The following SNX17 variants were observed in gnomAD, a reference collection of about 807,000 sequenced individuals.
SNX17 encodes sorting nexin-17.
A neutral mutation model predicts 64.3 loss-of-function variants in SNX17; 35 were observed. The observed-to-expected ratio is 0.54, with a 90% CI of 0.42 to 0.72. The LOEUF is 0.72. SNX17 is among the 30% of genes least tolerant of loss of function. The pLI is 0.00. For synonymous variants in SNX17, 259 were observed against 230.2 expected (o/e 1.13, Z -1.13); for missense variants, 538 against 610.0 (o/e 0.88, Z 1.24).
rs1239256006 is a variant in SNX17 at position 27,375,664 on chromosome 2, C to G, written c.933C>G (p.Gly311=). 1 of 1,614,096 alleles carries G rather than the reference C, an allele frequency of 6.2e-7. No individual in the cohort carries two copies. Among genetic ancestry groups the G allele is most frequent in the Non-Finnish European group, 8.5e-7 (1 of 1,180,042 alleles). The change falls in exon 10 of 15, where the codon GGC becomes GGG. Residue 311 remains glycine, a synonymous_variant. Transcript: ENST00000233575. The surrounding 1 kb of genome is among the most constrained non-coding windows in gnomAD (Gnocchi z 4.1). Reference sequence around the variant, plus strand: ...TGCCTGGCCAGCAACTCCGAGAAGGCTCCTTCCGGGTCACCCGCATGCGAT... The same window carrying G: ...TGCCTGGCCAGCAACTCCGAGAAGGGTCCTTCCGGGTCACCCGCATGCGAT... ...LRLPGQQLRE[G]SFRVTRMRCW...
Position 27,376,503 on chromosome 2 carries a change from T to A in SNX17, c.1282T>A (p.Ser428Thr), listed in dbSNP as rs1348710465. 6.2e-7 allele frequency: 1 copy of A among 1,613,746 alleles called. No individual in the cohort carries two copies. Among genetic ancestry groups the A allele is most frequent in the East Asian group, 2.2e-5 (1 of 44,870 alleles). ...GGAGTCACCTGATGCCACCCGGGAG[T>A]CTATGGTCAAACTCTCAGTGAGTTC... ...LLESPDATRESMVKLSSKLSA... is the reference protein window; with the variant it reads ...LLESPDATRETMVKLSSKLSA... Residue 428 changes from serine to threonine, a missense_variant, in exon 14 of 15, where the codon TCT (serine) becomes ACT (threonine). Around this residue, in one of 3 missense-constraint regions of SNX17, gnomAD observed 505 missense variants for 550.4 expected, o/e 0.92. Coordinates refer to ENST00000233575, the MANE Select transcript of SNX17 (RefSeq NM_014748.4).
At chr2:27,372,506 G>A (rs1028503705) in intron 2 of SNX17, 117 bp from the exon 3 acceptor site, 26 of 1,435,220 alleles carry the variant, frequency 1.8e-5, no homozygotes, top group Non-Finnish European at 2.5e-5. Context: ...AGGGTAGACA[G>A]GGGAACAGGG....
In SNX17 at chr2:27,375,066, A is replaced by T; in HGVS notation, c.687A>T (p.Val229=). Residue 229 remains valine, a synonymous_variant, in exon 9 of 15, where the codon GTA becomes GTT. Coordinates refer to ENST00000233575, the MANE Select transcript of SNX17 (RefSeq NM_014748.4). This position sits in a 1 kb window ranked among gnomAD's most constrained non-coding sequence, Gnocchi z 4.1. ...VGLNLLYAQT[V]SDIERGWILV... ...GCCCCTTGTCTCTACTATAGACGGT[A>T]TCAGATATTGAGCGTGGGTGGATCT... The T allele has an allele frequency of 1.2e-6, 2 of 1,614,052 alleles. No homozygotes were observed. The highest frequency in any genetic ancestry group is 1.7e-6 in the Non-Finnish European group (2 of 1,179,932).
rs745524848 is a variant in SNX17 at position 27,374,401 on chromosome 2, G to C, written c.579G>C (p.Arg193=). The change falls in exon 7 of 15, where the codon CGG becomes CGC. Residue 193 remains arginine (R), a synonymous_variant. Coordinates refer to ENST00000233575, the MANE Select transcript of SNX17 (RefSeq NM_014748.4). ...CTTATGTGTCTGTCACCAGCCTTCG[G>C]AGTCAAGAGTATAAGATTGTGCTAA... ...ELPYVSVTSL[R]SQEYKIVLRK... The C allele has an allele frequency of 6.2e-7, 1 of 1,613,926 alleles. No individual in the cohort carries two copies. The highest frequency in any genetic ancestry group is 2.2e-5 in the East Asian group (1 of 44,878).
rs943108687 is a variant in SNX17 at position 27,374,598 on chromosome 2, C to T, written c.612-91C>T. The T allele has an allele frequency of 1.2e-5, 17 of 1,360,540 alleles. No individual in the cohort carries two copies. In the African/African-American group the frequency reaches 2.4e-4, roughly 19 times the overall value. The allele number at this position is 1,360,540 out of a possible 1,614,324, so 84.3% of individuals were successfully genotyped here. A position where few individuals can be genotyped will look rare whatever the true frequency, so the allele number is the denominator to read the frequency against. ...CTATACCATTAGCCCCTGATAGTTC[C>T]AGATTGCTCCTGTTTTGCCCATTTT... On this transcript the variant is annotated intron_variant, in intron 7 of 14. Coordinates refer to ENST00000233575, the MANE Select transcript of SNX17 (RefSeq NM_014748.4).
In SNX17 at chr2:27,375,281, G is replaced by A; in HGVS notation, c.774+128G>A. 1.1e-6 allele frequency: 1 copy of A among 935,516 alleles called. No homozygotes were observed. The highest frequency in any genetic ancestry group is 1.6e-6 in the Non-Finnish European group (1 of 622,068). 58.0% of individuals were successfully genotyped at this position (935,516 alleles called of 1,614,324 possible). A position where few individuals can be genotyped will look rare whatever the true frequency, so the allele number is the denominator to read the frequency against. On this transcript the variant is annotated intron_variant, in intron 9 of 14. Transcript: ENST00000233575. This position sits in a 1 kb window ranked among gnomAD's most constrained non-coding sequence, Gnocchi z 4.1. ...AGCCTCCCGAGTAGCTGGGACTACA[G>A]GCACCCGCCACGACGCCCGGCTAAT...
intron 8 of SNX17, 73 bp from the exon 9 acceptor site, chr2:27,374,988 G>C: frequency 7.2e-7 from 1 of 1,379,530 alleles, no homozygotes; most frequent in Non-Finnish European, 1.0e-6. Flanking sequence ...AGGCTGGACA[G>C]AGGTAATGGT....
At chr2:27,371,088 C>T (rs1458157407) in intron 1 of SNX17, among the ~76,000 whole-genome samples, 181 bp from the exon 2 acceptor site, 1 of 152,262 alleles carries the variant, frequency 6.6e-6, no homozygotes, top group African/African-American at 2.4e-5. Flanking sequence ...ACACAAGCGT[C>T]CGAATTTCCC....
Position 27,376,444 on chromosome 2 carries a change from G to T in SNX17, c.1258-35G>T, listed in dbSNP as rs760469075. The T allele has an allele frequency of 1.1e-5, 18 of 1,613,754 alleles. No homozygotes were observed. In the African/African-American group the frequency reaches 1.5e-4, roughly 13 times the overall value. ...TCTCAGCCCTGCCTCACCTCTCCTA[G>T]TGAGTTTCTGACACCTCTGCCTCTT... On this transcript the variant is annotated intron_variant, in intron 13 of 14. Transcript: ENST00000233575.
rs1417333183 is a variant in SNX17 at position 27,377,489 on chromosome 2, G to A, written c.*770G>A. 1 of 1,585,678 alleles carries A rather than the reference G, an allele frequency of 6.3e-7. No individual in the cohort carries two copies. Among genetic ancestry groups the A allele is most frequent in the Non-Finnish European group, 8.6e-7 (1 of 1,156,410 alleles). ...TGTGTGGAGCCCCTGGCCAGCGGGG[G>A]AGAAAAAGGTGGCTTCTGGTCCGTC... On this transcript the variant is annotated 3_prime_UTR_variant, in exon 15 of 15. Transcript: ENST00000233575. The surrounding 1 kb of genome is among the most constrained non-coding windows in gnomAD (Gnocchi z 4.4).
Position 27,373,235 on chromosome 2 carries a change from T to C in SNX17, c.257-12T>C, listed in dbSNP as rs1191756689. The C allele has an allele frequency of 6.2e-7, 1 of 1,613,952 alleles. No individual in the cohort carries two copies. Among genetic ancestry groups the C allele is most frequent in the East Asian group, 2.2e-5 (1 of 44,890 alleles). ...GCTAAGTTCCTGTAATAATGTTCTC[T>C]TGTCCTCGTAGTTCGGCAAGACCCA... On this transcript the variant is annotated splice_polypyrimidine_tract_variant and intron_variant, in intron 3 of 14. Coordinates refer to ENST00000233575, the MANE Select transcript of SNX17 (RefSeq NM_014748.4).
intron 2 of SNX17, among the ~76,000 whole-genome samples, chr2:27,372,037 T>C (rs986529090): frequency 6.6e-6 from 1 of 152,236 alleles, no homozygotes; most frequent in South Asian, 2.1e-4. Flanking sequence ...GGCGGCTGCC[T>C]CCACACCCAG....
intron 8 of SNX17, 47 bp downstream of exon 8, chr2:27,374,805 G>GGAGA: frequency 1.3e-6 from 2 of 1,555,918 alleles, no homozygotes. Flanking sequence ...GAAAATAACG[G>GGAGA]GTGACTCACT....
Position 27,374,862 on chromosome 2 carries a change from A to G in SNX17, c.681+104A>G, listed in dbSNP as rs1683005387. The G allele has an allele frequency of 5.2e-6, 6 of 1,150,530 alleles. No individual in the cohort carries two copies. In the South Asian group the frequency reaches 6.3e-5, roughly 12 times the overall value. The allele number at this position is 1,150,530 out of a possible 1,614,324, so 71.3% of individuals were successfully genotyped here. Reference sequence around the variant, plus strand: ...TGTCTTTGTTCCCAATTTGTGGGGAAGTTCCTAGAATACTATCAGTGCTGC... The same window carrying G: ...TGTCTTTGTTCCCAATTTGTGGGGAGGTTCCTAGAATACTATCAGTGCTGC... On this transcript the variant is annotated intron_variant, in intron 8 of 14. Coordinates refer to ENST00000233575, the MANE Select transcript of SNX17 (RefSeq NM_014748.4).
At position 27,375,474 on chromosome 2, in the gene SNX17, T is replaced by C; in HGVS notation, c.775-32T>C. 6.2e-7 allele frequency: 1 copy of C among 1,612,844 alleles called. No homozygotes were observed. The highest frequency in any genetic ancestry group is 8.5e-7 in the Non-Finnish European group (1 of 1,179,364). On this transcript the variant is annotated intron_variant, in intron 9 of 14. Coordinates refer to ENST00000233575, the MANE Select transcript of SNX17 (RefSeq NM_014748.4). The surrounding 1 kb of genome is among the most constrained non-coding windows in gnomAD (Gnocchi z 4.1). ...TTCTGAGCTGCCCCATTCTCCCTCC[T>C]AATCTACCCCCATGTGATGACCATT...
At position 27,370,699 on chromosome 2, in the gene SNX17, C is replaced by T. The variant is rs557274905; in HGVS notation, c.-45C>T. 132 of 1,516,328 alleles carry T rather than the reference C, an allele frequency of 8.7e-5. No individual in the cohort carries two copies. The South Asian group carries it at 1.4e-3, about 16-fold the overall frequency. 93.9% of individuals were successfully genotyped at this position (1,516,328 alleles called of 1,614,324 possible). On this transcript the variant is annotated 5_prime_UTR_variant, in exon 1 of 15. Coordinates refer to ENST00000233575, the MANE Select transcript of SNX17 (RefSeq NM_014748.4). ...GGAGGGGGAGCGTGCAGAGCCGCTG[C>T]GGCCCTCACAGTCCGGAGCCCGGCC...
Position 27,373,271 on chromosome 2 carries a change from G to T in SNX17, c.281G>T (p.Ser94Ile). 1 of 1,614,236 alleles carries T rather than the reference G, an allele frequency of 6.2e-7. No homozygotes were observed. Among genetic ancestry groups the T allele is most frequent in the Non-Finnish European group, 8.5e-7 (1 of 1,180,032 alleles). The change falls in exon 4 of 15, where the codon AGC becomes ATC. Residue 94 changes from serine to isoleucine, a missense_variant. Ser to Ile is a moderately radical substitution (Grantham distance 142, BLOSUM62 -2). This residue lies in a region of SNX17 where 505 missense variants were observed against 550.4 expected (regional missense o/e 0.92). Coordinates refer to ENST00000233575, the MANE Select transcript of SNX17 (RefSeq NM_014748.4). ...QAVRQDPLLG[S>I]SETFNSFLRR... Reference sequence around the variant, plus strand: ...GTTCGGCAAGACCCATTGCTTGGGAGCAGCGAGACTTTCAACAGTTTCCTG... The same window carrying T: ...GTTCGGCAAGACCCATTGCTTGGGATCAGCGAGACTTTCAACAGTTTCCTG...
rs949818559 is a variant in SNX17 at position 27,377,293 on chromosome 2, G to A, written c.*574G>A. The A allele has an allele frequency of 1.7e-5, 11 of 639,168 alleles. No homozygotes were observed. The highest frequency in any genetic ancestry group is 2.0e-5 in the Non-Finnish European group (7 of 355,648). 39.6% of individuals were successfully genotyped at this position (639,168 alleles called of 1,614,324 possible). A position where few individuals can be genotyped will look rare whatever the true frequency, so the allele number is the denominator to read the frequency against. The stretch of plus-strand genomic sequence containing the variant: ...AATAAGTTAAATAAACAGGTGGGAG[G>A]CTGGGCAGTCCCCCAGCCGGTTTGT... On this transcript the variant is annotated 3_prime_UTR_variant, in exon 15 of 15. Coordinates refer to ENST00000233575, the MANE Select transcript of SNX17 (RefSeq NM_014748.4). The surrounding 1 kb of genome is among the most constrained non-coding windows in gnomAD (Gnocchi z 4.4).
Position 27,376,332 on chromosome 2 carries a change from G to A in SNX17, c.1202G>A (p.Gly401Glu). 1 of 1,612,272 alleles carries A rather than the reference G, an allele frequency of 6.2e-7. No individual in the cohort carries two copies. The highest frequency in any genetic ancestry group is 8.5e-7 in the Non-Finnish European group (1 of 1,178,710). Residue 401 changes from glycine to glutamate, a missense_variant, in exon 13 of 15, where the codon GGG (glycine) becomes GAG (glutamate). Gly to Glu is a moderately conservative substitution (Grantham distance 98). Around this residue, in one of 3 missense-constraint regions of SNX17, gnomAD observed 505 missense variants for 550.4 expected, o/e 0.92. Coordinates refer to ENST00000233575, the MANE Select transcript of SNX17 (RefSeq NM_014748.4). ...CCCCAGATGCTGCGCCGGCGGGTGG[G>A]GGGTACTCTGAGACGCTCAGACAGC... is the stretch of plus-strand genomic sequence containing the variant. ...SIRKMLRRRV[G>E]GTLRRSDSQQ...
Sources: allele counts gnomAD v4.1 joint callset (sites outside exome capture counted in the v4.1 genomes callset), GRCh38; gene constraint gnomAD v4.1.1; regional missense constraint gnomAD v4.1.1; non-coding constraint Gnocchi (gnomAD v3.1); transcripts MANE v1.5; gene names NCBI Gene and HGNC (gene_info 2026-07-23, HGNC 2026-07-21).